Variants in ARHGAP23 observed in about 807,000 individuals in gnomAD.
ARHGAP23 encodes Rho GTPase activating protein 23.
A neutral mutation model predicts 136.3 loss-of-function variants in ARHGAP23; 34 were observed. The observed-to-expected ratio is 0.25, with a 90% CI of 0.19 to 0.33. The LOEUF (loss-of-function observed/expected upper bound fraction) is 0.33. Ranked by LOEUF, ARHGAP23 falls within the 10% of genes least tolerant of loss-of-function variation. The pLI is 1.00. For missense variants in ARHGAP23, 1,808 were observed against 2,139.0 expected (o/e 0.85, Z 3.05); for synonymous variants, 832 against 920.5 (o/e 0.90, Z 1.74).
At position 38,510,855 on chromosome 17, in the gene ARHGAP23, C is replaced by T; in HGVS notation, c.4359C>T (p.Thr1453=). 1 of 1,505,498 alleles carries T rather than the reference C, an allele frequency of 6.6e-7. No homozygotes were observed. Among genetic ancestry groups the T allele is most frequent in the Non-Finnish European group, 8.8e-7 (1 of 1,133,632 alleles). 93.3% of individuals were successfully genotyped at this position (1,505,498 alleles called of 1,614,324 possible). A position where few individuals can be genotyped will look rare whatever the true frequency, so the allele number is the denominator to read the frequency against. Residue 1453 remains threonine (T), a synonymous_variant, in exon 24 of 24, where the codon ACC becomes ACT. Coordinates refer to ENST00000622683, the MANE Select transcript of ARHGAP23 (RefSeq NM_001199417.2). This position sits in a 1 kb window ranked among gnomAD's most constrained non-coding sequence, Gnocchi z 4.6. ...CCGGACTCAGCAGCCTGGAGTCCACCAAGGCGCGGGCCCCGTCGTCCGCTG... is the reference window on the plus strand; with the variant it reads ...CCGGACTCAGCAGCCTGGAGTCCACTAAGGCGCGGGCCCCGTCGTCCGCTG... The part of the protein sequence containing the change: ...KDSGLSSLES[T]KARAPSSAAS...
At chr17:38,428,963 G>T (rs1284181679) in intron 1 of ARHGAP23, among the ~76,000 whole-genome samples, 1 of 152,156 alleles carries the variant, frequency 6.6e-6, no homozygotes, top group Non-Finnish European at 1.5e-5. Flanking sequence ...GGCACAGCTG[G>T]AGGGAGAGGG....
At chr17:38,472,632 C>T (rs549694814) in intron 11 of ARHGAP23, among the ~76,000 whole-genome samples, 2 of 152,174 alleles carry the variant, frequency 1.3e-5, no homozygotes, top group South Asian at 2.1e-4. Flanking sequence ...AAGGGCAGGG[C>T]CCCTGGATCC....
chr17:38,504,052 TTG>T (rs1405998029), intron 23 of ARHGAP23, among the ~76,000 whole-genome samples: 1 of 152,174 alleles, frequency 6.6e-6, no homozygotes, highest in East Asian at 1.9e-4. Context: ...AACTAGAAGT[TTG>T]GGCATATTCT....
chr17:38,465,006 G>T (rs890149294), intron 6 of ARHGAP23, among the ~76,000 whole-genome samples: 3 of 152,062 alleles, frequency 2.0e-5, no homozygotes, highest in Non-Finnish European at 2.9e-5. Flanking sequence ...TCGGGTGGGG[G>T]TGAGGGGGAG....
At chr17:38,442,698 T>A (rs1342136560) in intron 1 of ARHGAP23, among the ~76,000 whole-genome samples, 16 of 151,986 alleles carry the variant, frequency 1.1e-4, no homozygotes, top group Admixed American at 1.0e-3. Flanking sequence ...AAACAGCATG[T>A]GCAAAGGACC....
chr17:38,457,693 T>G (rs1474436979), intron 1 of ARHGAP23: 3 of 246,902 alleles, frequency 1.2e-5, no homozygotes, highest in Non-Finnish European at 2.4e-5. Context: ...TGCATATATG[T>G]GTGCATGTGT....
chr17:38,486,019 C>T (rs756989490), intron 16 of ARHGAP23, 43 bp from the exon 17 acceptor site: 33 of 1,528,338 alleles, frequency 2.2e-5, no homozygotes, highest in South Asian at 4.8e-5. Context: ...GCATGGGCAT[C>T]GGGCTGGGCC....
At chr17:38,496,357 C>T (rs1469335568) in intron 20 of ARHGAP23, among the ~76,000 whole-genome samples, 1 of 151,786 alleles carries the variant, frequency 6.6e-6, no homozygotes, top group African/African-American at 2.4e-5. Flanking sequence ...GCCTGTAGTC[C>T]CAGCTATTCA....
chr17:38,470,345 G>A (rs548527730), intron 10 of ARHGAP23, among the ~76,000 whole-genome samples: 1 of 152,324 alleles, frequency 6.6e-6, no homozygotes, highest in South Asian at 2.1e-4. Context: ...GAAGCTCCCT[G>A]AACTTATATT....
chr17:38,512,346 A>AGGACTATCTTGTAT lies in ARHGAP23; in HGVS notation c.*1374_*1375insGGACTATCTTGTAT, dbSNP rs2040779735. The AGGACTATCTTGTAT allele has an allele frequency of 6.6e-6, 1 of 152,252 alleles. No individual in the cohort carries two copies. Among genetic ancestry groups the AGGACTATCTTGTAT allele is most frequent in the Non-Finnish European group, 1.5e-5 (1 of 68,050 alleles). 9.4% of individuals were successfully genotyped at this position (152,252 alleles called of 1,614,324 possible). ...CTGCTTCTGAAAAGTCCTGTCTTAA[A>AGGACTATCTTGTAT]AGTACAGTCTATATCTTGGAAATAA... On this transcript the variant is annotated 3_prime_UTR_variant, in exon 24 of 24. Coordinates refer to ENST00000622683, the MANE Select transcript of ARHGAP23 (RefSeq NM_001199417.2).
At position 38,442,967 on chromosome 17, in the gene ARHGAP23, C is replaced by T. The variant is rs987247770; in HGVS notation, c.63+14419C>T. Among the ~76,000 whole-genome samples the T allele has an allele frequency of 5.3e-5, 8 of 152,228 alleles. No individual in the cohort carries two copies. In the East Asian group the frequency reaches 1.4e-3, roughly 26 times the overall value. On this transcript the variant is annotated intron_variant, in intron 1 of 23. Transcript: ENST00000622683. ...AGTCTACTCCGATGGGGGGATGGAG[C>T]GCTGGGGCCATAATACCTGATTCTT...
intron 21 of ARHGAP23, 56 bp from the exon 22 acceptor site, chr17:38,498,358 G>C (rs769933988): frequency 1.3e-5 from 18 of 1,415,286 alleles, no homozygotes; most frequent in Non-Finnish European, 1.4e-5. Context: ...CCCCTCTGGG[G>C]GGTTGGCAGC....
intron 23 of ARHGAP23, among the ~76,000 whole-genome samples, chr17:38,505,310 C>G (rs1199950830): frequency 6.6e-6 from 1 of 151,886 alleles, no homozygotes; most frequent in Non-Finnish European, 1.5e-5. Context: ...ACCCCACTCT[C>G]CTTATCATCT....
At chr17:38,491,653 G>A in intron 20 of ARHGAP23, 121 bp downstream of exon 20, 1 of 1,354,068 alleles carries the variant, frequency 7.4e-7, no homozygotes, top group Non-Finnish European at 1.0e-6. Context: ...CAGCTTTAGA[G>A]CATGCTGCTA....
intron 23 of ARHGAP23, among the ~76,000 whole-genome samples, chr17:38,509,435 G>T (rs907645651): frequency 6.6e-6 from 1 of 152,124 alleles, no homozygotes; most frequent in Non-Finnish European, 1.5e-5. Flanking sequence ...CCCTGGAGAG[G>T]CCTGTAGATG....
chr17:38,458,320 T>G (rs1329598816), intron 2 of ARHGAP23, 57 bp downstream of exon 2: 2 of 1,452,072 alleles, frequency 1.4e-6, no homozygotes, highest in Non-Finnish European at 1.8e-6. Flanking sequence ...GGAGGGAGAC[T>G]CTTTTGTGCC....
chr17:38,444,692 G>A (rs1226202888), intron 1 of ARHGAP23, among the ~76,000 whole-genome samples: 1 of 152,164 alleles, frequency 6.6e-6, no homozygotes, highest in Non-Finnish European at 1.5e-5. Flanking sequence ...CTGAGGAGGT[G>A]CAGTGGAGAA....
chr17:38,480,415 C>T (rs1428504088), intron 14 of ARHGAP23, among the ~76,000 whole-genome samples: 1 of 152,110 alleles, frequency 6.6e-6, no homozygotes, highest in East Asian at 1.9e-4. Flanking sequence ...GGGCGGATCA[C>T]GAGGTCAGGA....
Position 38,428,518 on chromosome 17 carries a change from C to A in ARHGAP23, c.33C>A (p.Ile11=). 1 of 1,455,352 alleles carries A rather than the reference C, an allele frequency of 6.9e-7. No homozygotes were observed. Among genetic ancestry groups the A allele is most frequent in the South Asian group, 1.3e-5 (1 of 75,446 alleles). 90.2% of individuals were successfully genotyped at this position (1,455,352 alleles called of 1,614,324 possible). Residue 11 remains isoleucine, a synonymous_variant, in exon 1 of 24, where the codon ATC becomes ATA. Coordinates refer to ENST00000622683, the MANE Select transcript of ARHGAP23 (RefSeq NM_001199417.2). ...GAGTCGCCTTCTGCCTGGTCGGGAT[C>A]CCGCCCCGCCCGGAGCCCCGGCCCC... MNGVAFCLVG[I]PPRPEPRPPQ...
Sources: gnomAD v4.1 joint callset for allele counts (sites outside exome capture counted in the v4.1 genomes callset) on GRCh38, gnomAD v4.1.1 for gene constraint, Gnocchi (gnomAD v3.1) non-coding constraint, MANE v1.5 for transcripts, NCBI Gene and HGNC (gene_info 2026-07-23, HGNC 2026-07-21) for gene names.